The following NBPF10 variants were observed in gnomAD, a reference collection of about 807,000 sequenced individuals.
NBPF10 encodes NBPF member 10.
In NBPF10, 63 loss-of-function variants were observed where a neutral mutation model predicts 77.9. That is an observed-to-expected ratio of 0.81 (90% CI 0.66 to 1.00). The LOEUF is 1.00. Among genes scored for constraint, NBPF10 ranks in the 50% least tolerant of loss-of-function variants. The probability of loss-of-function intolerance (pLI) is 0.00; values close to 1 mark genes in which losing one functional copy is unlikely to be tolerated. For synonymous variants in NBPF10, 146 were observed against 264.5 expected (o/e 0.55, Z 4.35); for missense variants, 522 against 679.8 (o/e 0.77, Z 2.58).
intron 5 of NBPF10, among the ~76,000 whole-genome samples, chr1:146,138,968 G>C (rs1659990393): frequency 7.2e-6 from 1 of 138,736 alleles, no homozygotes; most frequent in South Asian, 2.5e-4. Flanking sequence ...ATTTTTAGTA[G>C]AGACGGGGTT....
rs1189378502 is a variant in NBPF10 at position 146,138,929 on chromosome 1, C to G, written c.779-484G>C. On this transcript the variant is annotated intron_variant, in intron 5 of 89. Coordinates refer to ENST00000583866, the Ensembl canonical transcript of NBPF10. ...CCTGCCAAGCATCTGGGATTACAAG[C>G]GCCAAGTAACATGCCAGCTAATTTT... is the stretch of plus-strand genomic sequence containing the variant. Among the ~76,000 whole-genome samples, 12 of 142,166 alleles carry G rather than the reference C, an allele frequency of 8.4e-5. No homozygotes were observed. In the South Asian group the frequency reaches 9.8e-4, roughly 12 times the overall value. The allele number at this position is 142,166 out of a possible 152,430, so 93.3% of individuals were successfully genotyped here.
chr1:146,134,297 T>C, intron 8 of NBPF10, 32 bp from the exon 9 acceptor site: 1 of 1,599,902 alleles, frequency 6.3e-7, no homozygotes, highest in Non-Finnish European at 8.5e-7. Context: ...TTCAGGTATT[T>C]CCCACTTCAC....
exon 3 of NBPF10, chr1:146,141,719 A>T: frequency 7.8e-7 from 1 of 1,286,630 alleles, no homozygotes; most frequent in Non-Finnish European, 1.1e-6. Context: ...GGGCCTGGAG[A>T]TGCTCATACA....
chr1:146,126,806 T>C lies in NBPF10; in HGVS notation c.1853+222A>G, dbSNP rs1420780502. Among the ~76,000 whole-genome samples the C allele has an allele frequency of 3.2e-5, 4 of 126,064 alleles. No homozygotes were observed. The East Asian group carries it at 8.7e-4, about 27-fold the overall frequency. 82.7% of individuals were successfully genotyped at this position (126,064 alleles called of 152,430 possible). On this transcript the variant is annotated intron_variant, in intron 13 of 89. Transcript: ENST00000583866. The stretch of plus-strand genomic sequence containing the variant: ...GGCAGTTACCATGAGAATACAGCTT[T>C]TGAGGTATGGTCAACTTTCACTAGG...
At chr1:146,126,000 A>T (rs1409078258) in intron 14 of NBPF10, among the ~76,000 whole-genome samples, 1 of 151,734 alleles carries the variant, frequency 6.6e-6, no homozygotes, top group Admixed American at 6.6e-5. Context: ...ACATCTTGAG[A>T]GTAGGATTAT....
At chr1:146,134,300 C>G (rs782492565) in intron 8 of NBPF10, 35 bp from the exon 9 acceptor site, 1 of 1,597,862 alleles carries the variant, frequency 6.3e-7, no homozygotes, top group East Asian at 2.2e-5. Context: ...AGGTATTTCC[C>G]ACTTCACAGT....
chr1:146,126,608 C>G (rs1437927272), intron 13 of NBPF10, among the ~76,000 whole-genome samples, 200 bp from the exon 14 acceptor site: 2 of 136,662 alleles, frequency 1.5e-5, no homozygotes, highest in African/African-American at 2.6e-5. Context: ...CACACACACA[C>G]ACACACACAC....
intron 89 of NBPF10, among the ~76,000 whole-genome samples, chr1:146,066,923 A>T (rs1655136231): frequency 6.8e-6 from 1 of 146,222 alleles, no homozygotes; most frequent in African/African-American, 2.4e-5. Context: ...TTTTCCATAA[A>T]ATATGCTCAA....
Position 146,069,540 on chromosome 1 carries a change from C to T in NBPF10, c.10810+3G>A. The T allele has an allele frequency of 1.1e-6, 1 of 913,562 alleles. No homozygotes were observed. The highest frequency in any genetic ancestry group is 1.7e-6 in the Non-Finnish European group (1 of 595,630). 56.6% of individuals were successfully genotyped at this position (913,562 alleles called of 1,614,324 possible). A position where few individuals can be genotyped will look rare whatever the true frequency, so the allele number is the denominator to read the frequency against. The stretch of plus-strand genomic sequence containing the variant: ...CTTATCACCTTCATAGAAAGGTACT[C>T]ACCATCCATGTCAACAGCCAAGCCA... On this transcript the variant is annotated splice_donor_region_variant and intron_variant, in intron 86 of 89. Coordinates refer to ENST00000583866, the Ensembl canonical transcript of NBPF10.
At chr1:146,134,364 G>T in intron 8 of NBPF10, 99 bp from the exon 9 acceptor site, 1 of 973,144 alleles carries the variant, frequency 1.0e-6, no homozygotes, top group Non-Finnish European at 1.6e-6. Flanking sequence ...CTAGGCATGG[G>T]TCACCGTTCA....
intron 77 of NBPF10, among the ~76,000 whole-genome samples, chr1:146,076,266 C>G (rs1170558774): frequency 3.2e-4 from 4 of 12,316 alleles, no homozygotes; most frequent in African/African-American, 4.7e-4. Context: ...CACACACACA[C>G]ACACACACAC....
intron 89 of NBPF10, among the ~76,000 whole-genome samples, chr1:146,066,789 CAG>C (rs1218078247): frequency 6.6e-6 from 1 of 151,744 alleles, no homozygotes; most frequent in East Asian, 1.9e-4. Context: ...GAGACAGAGA[CAG>C]AGAGAAAGTG....
intron 14 of NBPF10, among the ~76,000 whole-genome samples, 169 bp from the exon 15 acceptor site, chr1:146,125,685 TG>T (rs1388152611): frequency 7.7e-6 from 1 of 130,270 alleles, no homozygotes; most frequent in African/African-American, 2.9e-5. Context: ...AGAGATTCCT[TG>T]GTTTTTGTCC....
At chr1:146,137,596 G>A (rs1553795656) in intron 6 of NBPF10, among the ~76,000 whole-genome samples, 1 of 110,480 alleles carries the variant, frequency 9.1e-6, no homozygotes, top group South Asian at 3.7e-4. Flanking sequence ...TCTCCATGTT[G>A]CCCAGGCTGG....
intron 13 of NBPF10, 24 bp from the exon 14 acceptor site, chr1:146,126,432 G>C (rs781809306): frequency 1.0e-6 from 1 of 996,656 alleles, no homozygotes; most frequent in South Asian, 1.3e-5. Context: ...AAAAAGTAAA[G>C]AATAAGCCAG....
intron 7 of NBPF10, 99 bp downstream of exon 7, chr1:146,136,253 TC>T (rs1317121679): frequency 1.6e-5 from 14 of 881,482 alleles, no homozygotes; most frequent in Non-Finnish European, 2.6e-5. Flanking sequence ...TTCCTGCCCT[TC>T]CCCTGGCCCA....
At chr1:146,125,478 G>C (rs200946158) in exon 15 of NBPF10, 1 of 437,858 alleles carries the variant, frequency 2.3e-6, no homozygotes. Context: ...GGGCATGATG[G>C]GTCTTGGTCT....
At chr1:146,069,650 T>A (rs587638297) in exon 86 of NBPF10, 6 of 1,517,570 alleles carry the variant, frequency 4.0e-6, no homozygotes, top group Admixed American at 1.8e-5. Context: ...AGGAGTTGAA[T>A]AACATCTATC....
chr1:146,127,035 C>A (rs782652717), exon 13 of NBPF10: 1 of 508,880 alleles, frequency 2.0e-6, no homozygotes, highest in Admixed American at 3.9e-5. Context: ...CACCTGGGAC[C>A]TGTTGCCTCT....
Sources: gnomAD v4.1 joint callset for allele counts (sites outside exome capture counted in the v4.1 genomes callset) on GRCh38, gnomAD v4.1.1 for gene constraint, MANE v1.5 for transcripts, NCBI Gene and HGNC (gene_info 2026-07-23, HGNC 2026-07-21) for gene names.